RNPEP: variants seen among roughly 807,000 people sequenced by gnomAD.
RNPEP encodes the protein arginyl aminopeptidase, also known as aminopeptidase B.
A neutral mutation model predicts 70.1 loss-of-function variants in RNPEP; 57 were observed. The observed-to-expected ratio is 0.81, with a 90% CI of 0.66 to 1.01. The LOEUF is 1.01. RNPEP is among the 50% of genes least tolerant of loss of function. The pLI, the probability that RNPEP is intolerant of heterozygous loss-of-function variation, is 0.00. For missense variants in RNPEP, 787 were observed against 852.4 expected (o/e 0.92, Z 0.96); for synonymous variants, 335 against 357.4 (o/e 0.94, Z 0.71).
At chr1:202,002,959 ATG>A (rs1683890235) in intron 8 of RNPEP, among the ~76,000 whole-genome samples, 1 of 152,128 alleles carries the variant, frequency 6.6e-6, no homozygotes, top group Admixed American at 6.5e-5. Context: ...CGGTAGGAGA[ATG>A]TGCACGTGAA....
intron 3 of RNPEP, among the ~76,000 whole-genome samples, chr1:201,990,219 G>C (rs1683277707): frequency 6.6e-6 from 1 of 152,056 alleles, no homozygotes; most frequent in African/African-American, 2.4e-5. Context: ...TCCTATCTTT[G>C]TACCAAATCT....
chr1:202,005,543 G>T lies in RNPEP; in HGVS notation c.1795-15G>T, dbSNP rs372636749. The T allele has an allele frequency of 4.3e-6, 7 of 1,613,814 alleles. No individual in the cohort carries two copies. The South Asian group carries it at 6.6e-5, about 15-fold the overall frequency. On this transcript the variant is annotated splice_polypyrimidine_tract_variant and intron_variant, in intron 10 of 10. Coordinates refer to ENST00000295640, the MANE Select transcript of RNPEP (RefSeq NM_020216.4). ...AGGCAAGCTTCTTAGGCATGTGTAT[G>T]TGTGTTTCTTGCAGGGGAAGCAGAA... is the stretch of plus-strand genomic sequence containing the variant.
chr1:202,003,618 T>C lies in RNPEP; in HGVS notation c.1651+157T>C, dbSNP rs567629813. On this transcript the variant is annotated intron_variant, in intron 9 of 10. Transcript: ENST00000295640. Reference sequence around the variant, plus strand: ...CAAGGAATGTGCCACCGGGAGGTTATGGGTTAGGGGACTGCCACGTACACT... The same window carrying C: ...CAAGGAATGTGCCACCGGGAGGTTACGGGTTAGGGGACTGCCACGTACACT... Among the ~76,000 whole-genome samples, 311 of 151,400 alleles carry C rather than the reference T, an allele frequency of 2.1e-3. 1 individual carries two copies. The highest frequency in any genetic ancestry group is 3.0e-3 in the Non-Finnish European group (203 of 67,802).
chr1:201,982,909 C>A lies in RNPEP; in HGVS notation c.243C>A (p.Asp81Glu). ...AGGGCGCCGCCGAGCTGCGGCTGGACTCGCACCCGTGCCTGGAGGTGACGG... is the reference window on the plus strand; with the variant it reads ...AGGGCGCCGCCGAGCTGCGGCTGGAATCGCACCCGTGCCTGGAGGTGACGG... ...EPEGAAELRL[D>E]SHPCLEVTAA... The change falls in exon 1 of 11, where the codon GAC becomes GAA. Residue 81 changes from aspartate to glutamate, a missense_variant. By Grantham distance (45) the Asp-to-Glu change is conservative. Coordinates refer to ENST00000295640, the MANE Select transcript of RNPEP (RefSeq NM_020216.4). 6.8e-7 allele frequency: 1 copy of A among 1,467,364 alleles called. No individual in the cohort carries two copies. The highest frequency in any genetic ancestry group is 1.5e-5 in the African/African-American group (1 of 67,338). 90.9% of individuals were successfully genotyped at this position (1,467,364 alleles called of 1,614,324 possible).
Position 201,999,966 on chromosome 1 carries a change from C to T in RNPEP, c.1155C>T (p.Ile385=). 6.2e-7 allele frequency: 1 copy of T among 1,614,058 alleles called. No homozygotes were observed. Among genetic ancestry groups the T allele is most frequent in the South Asian group, 1.1e-5 (1 of 91,042 alleles). Residue 385 remains isoleucine (I), a synonymous_variant, in exon 6 of 11, where the codon ATC becomes ATT. Coordinates refer to ENST00000295640, the MANE Select transcript of RNPEP (RefSeq NM_020216.4). ...GRALLRQHMD[I]TGEENPLNKL... is the part of the protein sequence containing the mutation. ...CTCTGCTGCGTCAGCACATGGACAT[C>T]ACTGGAGAGGAAAACCCACTCAACA...
intron 3 of RNPEP, among the ~76,000 whole-genome samples, chr1:201,994,629 T>C (rs914763302): frequency 6.6e-6 from 1 of 151,804 alleles, no homozygotes; most frequent in Non-Finnish European, 1.5e-5. Flanking sequence ...AAGTTTTCCC[T>C]CATCCGGGCC....
chr1:201,994,535 G>C (rs573257980), intron 3 of RNPEP, among the ~76,000 whole-genome samples: 39 of 152,176 alleles, frequency 2.6e-4, no homozygotes, highest in African/African-American at 8.9e-4. Flanking sequence ...CTTTGCTTTT[G>C]ATATTTGGGA....
At chr1:201,983,686 G>C in intron 1 of RNPEP, 1 of 1,171,686 alleles carries the variant, frequency 8.5e-7, no homozygotes. Context: ...AAGAATTTGA[G>C]TAAAAGTGAG....
chr1:201,999,474 G>A (rs780592218), intron 5 of RNPEP, among the ~76,000 whole-genome samples: 4 of 152,106 alleles, frequency 2.6e-5, no homozygotes, highest in African/African-American at 4.8e-5. Flanking sequence ...AGGAGGAGAC[G>A]GAGGTTGCAG....
rs753414016 is a variant in RNPEP, at chr1:201,983,093, C to T, written c.427C>T (p.Arg143Cys). The change falls in exon 1 of 11, where the codon CGC (arginine) becomes TGC (cysteine). Residue 143 changes from arginine (R) to cysteine (C), a missense_variant. Coordinates refer to ENST00000295640, the MANE Select transcript of RNPEP (RefSeq NM_020216.4). The stretch of plus-strand genomic sequence containing the variant: ...GCGCCTCCAGGTGCTGCTCACCTAC[C>T]GCGTCGGGGAGGGACCCGGGGTGAG... ...AERLQVLLTY[R>C]VGEGPGVCWL... The T allele has an allele frequency of 4.0e-6, 6 of 1,507,252 alleles. No homozygotes were observed. Among genetic ancestry groups the T allele is most frequent in the Admixed American group, 2.2e-5 (1 of 44,968 alleles). The allele number at this position is 1,507,252 out of a possible 1,614,324, so 93.4% of individuals were successfully genotyped here. A position where few individuals can be genotyped will look rare whatever the true frequency, so the allele number is the denominator to read the frequency against.
chr1:201,996,222 G>A lies in RNPEP; in HGVS notation c.813G>A (p.Leu271=). The A allele has an allele frequency of 1.2e-6, 2 of 1,614,096 alleles. No homozygotes were observed. The highest frequency in any genetic ancestry group is 2.2e-5 in the South Asian group (2 of 91,084). ...EEYNGVIEEF[L]ATGEKLFGPY... is the part of the protein sequence containing the mutation. Reference sequence around the variant, plus strand: ...ACAACGGGGTGATAGAAGAATTTTTGGCAACAGGAGAGAAGCTTTTTGGAC... The same window carrying A: ...ACAACGGGGTGATAGAAGAATTTTTAGCAACAGGAGAGAAGCTTTTTGGAC... Residue 271 remains leucine, a synonymous_variant, in exon 4 of 11, where the codon TTG becomes TTA. Transcript: ENST00000295640.
chr1:202,002,982 A>C (rs1411962701), intron 8 of RNPEP: 1 of 446,520 alleles, frequency 2.2e-6, no homozygotes, highest in African/African-American at 2.0e-5. Context: ...TAGAGCATCC[A>C]CCAACTTGGC....
At chr1:201,994,612 G>A (rs374314671) in intron 3 of RNPEP, among the ~76,000 whole-genome samples, 6 of 151,394 alleles carry the variant, frequency 4.0e-5, no homozygotes, top group Non-Finnish European at 8.8e-5. Flanking sequence ...TTCAGCAAAC[G>A]CAGAGGAAGT....
chr1:201,990,287 CGAA>C (rs1683279754), intron 3 of RNPEP, among the ~76,000 whole-genome samples: 1 of 152,188 alleles, frequency 6.6e-6, no homozygotes, highest in Admixed American at 6.5e-5. Flanking sequence ...TCATTTCCCT[CGAA>C]GAGGGAAGTG....
intron 6 of RNPEP, 81 bp downstream of exon 6, chr1:202,000,096 C>A: frequency 1.0e-6 from 1 of 997,812 alleles, no homozygotes; most frequent in Non-Finnish European, 1.6e-6. Context: ...TCATGTTGAT[C>A]AGTGCACGCT....
At chr1:201,986,070 G>A (rs1037834693) in intron 1 of RNPEP, among the ~76,000 whole-genome samples, 2 of 152,090 alleles carry the variant, frequency 1.3e-5, no homozygotes, top group South Asian at 2.1e-4. Context: ...GACTACAGGC[G>A]CATACAACTG....
In RNPEP at chr1:201,997,386, G is replaced by C. The variant is rs140055683; in HGVS notation, c.922G>C (p.Val308Leu). 19 of 1,613,972 alleles carry C rather than the reference G, an allele frequency of 1.2e-5. No homozygotes were observed. Among genetic ancestry groups the C allele is most frequent in the African/African-American group, 4.0e-5 (3 of 74,902 alleles). The change falls in exon 5 of 11, where the codon GTC becomes CTC. Residue 308 changes from valine to leucine, a missense_variant. Physicochemically the swap from Val to Leu is conservative, Grantham distance 32 (BLOSUM62 1). Transcript: ENST00000295640. ...AATGGAGAACCCTTGTCTGACCTTT[G>C]TCACCCCCTGCCTGCTAGCTGGGGA... ...GGMENPCLTF[V>L]TPCLLAGDRS...
rs1356292720 is a variant in RNPEP at position 202,005,704 on chromosome 1, C to A, written c.1941C>A (p.Pro647=). 1 of 1,614,112 alleles carries A rather than the reference C, an allele frequency of 6.2e-7. No homozygotes were observed. The highest frequency in any genetic ancestry group is 1.3e-5 in the African/African-American group (1 of 74,950). The change falls in exon 11 of 11, where the codon CCC becomes CCA. Residue 647 remains proline, a synonymous_variant. Coordinates refer to ENST00000295640, the MANE Select transcript of RNPEP (RefSeq NM_020216.4). The part of the protein sequence containing the change: ...VVNYVQQIVA[P]KGS ...ACTATGTCCAGCAGATCGTGGCACC[C>A]AAGGGCAGTTAGAGGCTCGTGTGCA...
chr1:202,005,051 G>A (rs1429114301), intron 10 of RNPEP, among the ~76,000 whole-genome samples: 3 of 152,192 alleles, frequency 2.0e-5, no homozygotes, highest in Non-Finnish European at 2.9e-5. Flanking sequence ...TGCCTGTTCG[G>A]GGATATTCTG....
Sources: gnomAD v4.1 joint callset for allele counts (sites outside exome capture counted in the v4.1 genomes callset) on GRCh38, gnomAD v4.1.1 for gene constraint, MANE v1.5 for transcripts, NCBI Gene and HGNC (gene_info 2026-07-23, HGNC 2026-07-21) for gene names.